NEGR1: variants seen among roughly 807,000 people sequenced by gnomAD.
NEGR1 encodes IgLON family member 4.
Under a neutral mutation model 40.9 loss-of-function variants are expected in NEGR1, and 10 were observed. The observed-to-expected ratio is 0.24, with a 90% CI of 0.15 to 0.42. The LOEUF (loss-of-function observed/expected upper bound fraction) is 0.42, where lower values mean the gene tolerates loss of function less well. NEGR1 is among the 10% of genes least tolerant of loss of function. The pLI, the probability that NEGR1 is intolerant of heterozygous loss-of-function variation, is 1.00. For synonymous variants in NEGR1, 185 were observed against 166.8 expected (o/e 1.11, Z -0.84); for missense variants, 352 against 438.9 (o/e 0.80, Z 1.77).
At chr1:72,234,113 T>A (rs1654470827) in intron 1 of NEGR1, among the ~76,000 whole-genome samples, 1 of 152,112 alleles carries the variant, frequency 6.6e-6, no homozygotes, top group Admixed American at 6.6e-5. Flanking sequence ...TTAGTTATTT[T>A]TCCTGATCCT....
At chr1:71,768,002 G>T (rs1656190747) in intron 3 of NEGR1, among the ~76,000 whole-genome samples, 1 of 152,218 alleles carries the variant, frequency 6.6e-6, no homozygotes, top group African/African-American at 2.4e-5. Context: ...CCTCTGCTTA[G>T]ATTTCAAAGG....
intron 2 of NEGR1, among the ~76,000 whole-genome samples, chr1:71,833,533 A>C (rs1039448113): frequency 6.6e-6 from 1 of 152,088 alleles, no homozygotes; most frequent in Admixed American, 6.6e-5. Flanking sequence ...TGGAGAAGGA[A>C]GCAGAGAAGC....
chr1:71,754,345 TAAGA>T, intron 3 of NEGR1, among the ~76,000 whole-genome samples: 1 of 152,350 alleles, frequency 6.6e-6, no homozygotes, highest in East Asian at 1.9e-4. Flanking sequence ...CGTTTTCCTT[TAAGA>T]TACATTAGCG....
chr1:72,065,463 T>G (rs1647249958), intron 1 of NEGR1, among the ~76,000 whole-genome samples: 1 of 152,070 alleles, frequency 6.6e-6, no homozygotes. Flanking sequence ...TCTGCCCAAA[T>G]TTGAAATAGA....
chr1:71,781,258 G>A (rs1178501993), intron 2 of NEGR1, among the ~76,000 whole-genome samples: 1 of 152,014 alleles, frequency 6.6e-6, no homozygotes, highest in Non-Finnish European at 1.5e-5. Context: ...TATATTAAAA[G>A]TTTTTATCTA....
intron 2 of NEGR1, among the ~76,000 whole-genome samples, chr1:71,868,436 A>ATAGAT (rs534497824): frequency 0.011 from 1,643 of 149,868 alleles, 17 homozygotes; most frequent in Middle Eastern, 0.027. Flanking sequence ...TAGATGATAG[A>ATAGAT]AGATAGATAG....
intron 6 of NEGR1, among the ~76,000 whole-genome samples, chr1:71,585,896 G>A (rs1374172246): frequency 6.6e-6 from 1 of 152,006 alleles, no homozygotes; most frequent in Admixed American, 6.6e-5. Flanking sequence ...GTGCTTGCCT[G>A]TGTTTACCCT....
At chr1:72,165,098 A>T (rs538536230) in intron 1 of NEGR1, among the ~76,000 whole-genome samples, 1 of 152,046 alleles carries the variant, frequency 6.6e-6, no homozygotes, top group African/African-American at 2.4e-5. Context: ...TATATTAAAC[A>T]ATTGTGATTT....
At chr1:72,083,999 T>C (rs1162955533) in intron 1 of NEGR1, among the ~76,000 whole-genome samples, 1 of 152,204 alleles carries the variant, frequency 6.6e-6, no homozygotes, top group Non-Finnish European at 1.5e-5. Flanking sequence ...CAATACAGAA[T>C]AGATTCATTG....
intron 6 of NEGR1, among the ~76,000 whole-genome samples, chr1:71,483,355 A>G (rs2090516): frequency 6.6e-6 from 1 of 151,824 alleles, no homozygotes; most frequent in African/African-American, 2.4e-5. Context: ...GGAATGACAT[A>G]ATATAAGTTA....
intron 1 of NEGR1, among the ~76,000 whole-genome samples, chr1:72,024,899 G>C (rs1040275287): frequency 9.2e-5 from 14 of 152,120 alleles, no homozygotes; most frequent in Admixed American, 4.6e-4. Context: ...TGAGGTACTA[G>C]AATGGTAAAT....
intron 1 of NEGR1, among the ~76,000 whole-genome samples, chr1:72,141,377 T>G (rs911599047): frequency 6.6e-6 from 1 of 152,058 alleles, no homozygotes; most frequent in African/African-American, 2.4e-5. Flanking sequence ...GGTATGAATT[T>G]ATACCAGGGA....
chr1:71,952,430 C>T (rs1646078658), intron 1 of NEGR1, among the ~76,000 whole-genome samples: 1 of 151,908 alleles, frequency 6.6e-6, no homozygotes, highest in Admixed American at 6.6e-5. Flanking sequence ...TAACTATCTT[C>T]AGTTCTATGA....
At chr1:71,656,108 GTTC>G (rs1651863908) in intron 4 of NEGR1, among the ~76,000 whole-genome samples, 1 of 152,162 alleles carries the variant, frequency 6.6e-6, no homozygotes, top group African/African-American at 2.4e-5. Context: ...CCAGAAATGA[GTTC>G]TTACTTGGGC....
At chr1:71,871,737 T>A (rs1161057408) in intron 2 of NEGR1, among the ~76,000 whole-genome samples, 1 of 152,228 alleles carries the variant, frequency 6.6e-6, no homozygotes, top group Non-Finnish European at 1.5e-5. Context: ...ATAGTTTTTA[T>A]TGAGGCACAG....
At chr1:72,031,305 A>G (rs1206990925) in intron 1 of NEGR1, among the ~76,000 whole-genome samples, 1 of 152,120 alleles carries the variant, frequency 6.6e-6, no homozygotes, top group Non-Finnish European at 1.5e-5. Context: ...GATAGGGAGG[A>G]AGTGGATGTA....
chr1:71,456,009 A>C (rs1299820128), intron 6 of NEGR1, among the ~76,000 whole-genome samples: 2 of 152,204 alleles, frequency 1.3e-5, no homozygotes, highest in East Asian at 3.9e-4. Context: ...CAACAAAGTC[A>C]TGCAACTGTA....
At chr1:71,905,586 C>T (rs1264461540) in intron 2 of NEGR1, among the ~76,000 whole-genome samples, 2 of 151,914 alleles carry the variant, frequency 1.3e-5, no homozygotes, top group Admixed American at 1.3e-4. Flanking sequence ...ATCCATTGGT[C>T]ATTATTTAGT....
intron 1 of NEGR1, among the ~76,000 whole-genome samples, chr1:72,012,683 G>A (rs1180419702): frequency 1.3e-5 from 2 of 151,690 alleles, no homozygotes; most frequent in Non-Finnish European, 2.9e-5. Context: ...AAGAGCACAC[G>A]TTCACTTGTA....
Sources: gnomAD v4.1 joint callset for allele counts (sites outside exome capture counted in the v4.1 genomes callset) on GRCh38, gnomAD v4.1.1 for gene constraint, MANE v1.5 for transcripts, NCBI Gene and HGNC (gene_info 2026-07-23, HGNC 2026-07-21) for gene names.